The following HSPH1 variants were observed in gnomAD, a reference collection of about 807,000 sequenced individuals.
The protein encoded by HSPH1 is heat shock protein 105 kDa.
HSPH1 carries 40 observed loss-of-function variants against 100.0 expected under a neutral mutation model. The ratio of observed to expected loss-of-function variants is 0.40; its 90% CI spans 0.31 to 0.52. The LOEUF (loss-of-function observed/expected upper bound fraction) is 0.52. Ranked by LOEUF, HSPH1 falls within the 20% of genes least tolerant of loss-of-function variation. The pLI, the probability that HSPH1 is intolerant of heterozygous loss-of-function variation, is 0.54. For missense variants in HSPH1, 876 were observed against 1,015.1 expected (o/e 0.86, Z 1.86); for synonymous variants, 403 against 344.0 (o/e 1.17, Z -1.90).
intron 10 of HSPH1, among the ~76,000 whole-genome samples, chr13:31,146,810 G>A (rs1289896956): frequency 6.6e-6 from 1 of 152,180 alleles, no homozygotes; most frequent in Non-Finnish European, 1.5e-5. Flanking sequence ...ATAGCCACAA[G>A]TAAGTACTGT....
At position 31,137,254 on chromosome 13, in the gene HSPH1, G is replaced by T; in HGVS notation, c.*64C>A. On this transcript the variant is annotated 3_prime_UTR_variant, in exon 18 of 18. Transcript: ENST00000320027. ...AATATAAATAGTTTCAGTATGTTAT[G>T]TAGAGTCACATACTATGGCAAAAAT... 1 of 925,082 alleles carries T rather than the reference G, an allele frequency of 1.1e-6. No individual in the cohort carries two copies. The highest frequency in any genetic ancestry group is 1.7e-6 in the Non-Finnish European group (1 of 578,716). The allele number at this position is 925,082 out of a possible 1,614,324, so 57.3% of individuals were successfully genotyped here.
chr13:31,147,333 G>T (rs1430775206), intron 10 of HSPH1, among the ~76,000 whole-genome samples: 1 of 152,064 alleles, frequency 6.6e-6, no homozygotes, highest in African/African-American at 2.4e-5. Context: ...AACTGATCAG[G>T]TTGGACTCCT....
At chr13:31,155,446 C>A in intron 3 of HSPH1, 68 bp downstream of exon 3, 3 of 1,291,536 alleles carry the variant, frequency 2.3e-6, no homozygotes, top group South Asian at 1.4e-5. Context: ...TAAGTAATAA[C>A]TCAAATAAGT....
chr13:31,135,753 A>C lies in HSPH1; in HGVS notation c.*1565T>G, dbSNP rs1955867664. 1 of 152,250 alleles carries C rather than the reference A, an allele frequency of 6.6e-6. No homozygotes were observed. Among genetic ancestry groups the C allele is most frequent in the Non-Finnish European group, 1.5e-5 (1 of 68,050 alleles). The allele number at this position is 152,250 out of a possible 1,614,324, so 9.4% of individuals were successfully genotyped here. On this transcript the variant is annotated 3_prime_UTR_variant, in exon 18 of 18. Transcript: ENST00000320027. ...AAACCTCAGCAGTCAAGTGTTACTA[A>C]ACCTCATAGTTTGAAGATATTACTC... is the stretch of plus-strand genomic sequence containing the variant.
Position 31,148,446 on chromosome 13 carries a change from T to C in HSPH1, c.1172A>G (p.Glu391Gly). 1 of 1,569,444 alleles carries C rather than the reference T, an allele frequency of 6.4e-7. No homozygotes were observed. The highest frequency in any genetic ancestry group is 1.2e-5 in the South Asian group (1 of 84,184). Residue 391 changes from glutamate (E) to glycine (G), a missense_variant, in exon 9 of 18, where the codon GAA becomes GGA. Physicochemically the swap from Glu to Gly is moderately conservative, Grantham distance 98. Coordinates refer to ENST00000320027, the MANE Select transcript of HSPH1 (RefSeq NM_006644.4). ...AGGAACTGCATCTGTGACGGAAAAT[T>C]CTCTAACTTTAAATGCCGGGGAAAG... The part of the protein sequence containing the change: ...AILSPAFKVR[E>G]FSVTDAVPFP...
intron 17 of HSPH1, 88 bp from the exon 18 acceptor site, chr13:31,137,612 TTTCTACCAAC>T: frequency 2.2e-6 from 2 of 909,724 alleles, no homozygotes; most frequent in Non-Finnish European, 3.4e-6. Context: ...ACCCACTATT[TTTCTACCAAC>T]TCCAATTACA....
rs547034590 is a variant in HSPH1 at position 31,150,669 on chromosome 13, A to G, written c.908+278T>C. Reference sequence around the variant, plus strand: ...CAGTATCTCTGTGAAACGAGTTTTCAATTACTGGCCCAGAAATACTAAAAA... The same window carrying G: ...CAGTATCTCTGTGAAACGAGTTTTCGATTACTGGCCCAGAAATACTAAAAA... On this transcript the variant is annotated intron_variant, in intron 7 of 17. Transcript: ENST00000320027. Among the ~76,000 whole-genome samples, 43 of 152,328 alleles carry G rather than the reference A, an allele frequency of 2.8e-4. 1 individual carries two copies. Among genetic ancestry groups the G allele is most frequent in the Admixed American group, 2.4e-3 (36 of 15,300 alleles).
At chr13:31,154,869 T>G in intron 3 of HSPH1, 114 bp from the exon 4 acceptor site, 1 of 897,674 alleles carries the variant, frequency 1.1e-6, no homozygotes, top group Non-Finnish European at 1.6e-6. Flanking sequence ...ATTTTATTGT[T>G]GTAGTTGTTT....
chr13:31,145,843 A>C (rs1161099187), intron 10 of HSPH1, 75 bp from the exon 11 acceptor site: 1 of 1,399,898 alleles, frequency 7.1e-7, no homozygotes, highest in African/African-American at 1.4e-5. Context: ...AGAGGAGGCC[A>C]GGTGGGTGGT....
chr13:31,145,523 T>C (rs1956237102), intron 11 of HSPH1, 40 bp downstream of exon 11: 1 of 1,507,276 alleles, frequency 6.6e-7, no homozygotes, highest in African/African-American at 1.4e-5. Flanking sequence ...TAGAACTAAG[T>C]CAACTCTATT....
intron 1 of HSPH1, among the ~76,000 whole-genome samples, chr13:31,160,440 G>A (rs939393549): frequency 6.6e-6 from 1 of 152,046 alleles, no homozygotes; most frequent in Non-Finnish European, 1.5e-5. Context: ...TCTACCTTTA[G>A]GTTCAATGTT....
At chr13:31,140,044 C>G in intron 14 of HSPH1, 140 bp downstream of exon 14, 1 of 781,312 alleles carries the variant, frequency 1.3e-6, no homozygotes, top group East Asian at 2.6e-5. Context: ...CAGCAACAAG[C>G]CTTTCTCCAT....
At chr13:31,156,439 C>G (rs1956697015) in intron 2 of HSPH1, among the ~76,000 whole-genome samples, 1 of 152,078 alleles carries the variant, frequency 6.6e-6, no homozygotes, top group African/African-American at 2.4e-5. Flanking sequence ...CAGCACATGC[C>G]TGTAATCCCA....
chr13:31,145,839 G>C, intron 10 of HSPH1, 71 bp from the exon 11 acceptor site: 2 of 1,418,156 alleles, frequency 1.4e-6, no homozygotes, highest in East Asian at 2.4e-5. Flanking sequence ...CTGTAGAGGA[G>C]GCCAGGTGGG....
intron 13 of HSPH1, 140 bp from the exon 14 acceptor site, chr13:31,140,449 ACT>A (rs1956048891): frequency 1.7e-6 from 1 of 572,692 alleles, no homozygotes; most frequent in Admixed American, 3.6e-5. Context: ...ACCTTGTCAA[ACT>A]CTTCCTACAA....
chr13:31,161,119 G>A (rs561412531), intron 1 of HSPH1, among the ~76,000 whole-genome samples: 1 of 152,222 alleles, frequency 6.6e-6, no homozygotes, highest in African/African-American at 2.4e-5. Context: ...GGAAGGCGCA[G>A]GCTGCAGCCT....
At chr13:31,143,614 T>C (rs1256322074) in intron 12 of HSPH1, among the ~76,000 whole-genome samples, 178 bp downstream of exon 12, 3 of 152,178 alleles carry the variant, frequency 2.0e-5, no homozygotes, top group African/African-American at 7.2e-5. Context: ...ATTCCCTTAA[T>C]TGAGCTTGAA....
chr13:31,136,862 T>G lies in HSPH1; in HGVS notation c.*456A>C, dbSNP rs1955898144. The G allele has an allele frequency of 1.0e-5, 2 of 197,902 alleles. No individual in the cohort carries two copies. The highest frequency in any genetic ancestry group is 4.8e-5 in the African/African-American group (2 of 41,678). The allele number at this position is 197,902 out of a possible 1,614,324, so 12.3% of individuals were successfully genotyped here. On this transcript the variant is annotated 3_prime_UTR_variant, in exon 18 of 18. Transcript: ENST00000320027. ...AAAGTCATTTTCTCTTGGACAGAAA[T>G]GGTTTTAGAAAGCCCTTATGAAGTC... is the stretch of plus-strand genomic sequence containing the variant.
chr13:31,162,007 T>A, upstream of HSPH1: 3 of 1,536,128 alleles, frequency 2.0e-6, no homozygotes, highest in Non-Finnish European at 2.6e-6. Context: ...CCCCTCCACG[T>A]GCCACTTCCG....
Sources: allele counts gnomAD v4.1 joint callset (sites outside exome capture counted in the v4.1 genomes callset), GRCh38; gene constraint gnomAD v4.1.1; transcripts MANE v1.5; gene names NCBI Gene and HGNC (gene_info 2026-07-23, HGNC 2026-07-21).